Variants in MYO19 observed in about 807,000 individuals in gnomAD.
MYO19 encodes the protein myosin XIX.
A neutral mutation model predicts 129.2 loss-of-function variants in MYO19; 132 were observed. The ratio of observed to expected loss-of-function variants is 1.02; its 90% confidence interval spans 0.89 to 1.18. MYO19 has a LOEUF of 1.18. MYO19 is among the 50% of genes most tolerant of loss of function. MYO19 has a pLI of 0.00. For missense variants in MYO19, 1,210 were observed against 1,216.7 expected (o/e 0.99, Z 0.08); for synonymous variants, 531 against 477.2 (o/e 1.11, Z -1.47).
chr17:36,496,326 T>C lies in MYO19; in HGVS notation c.2838A>G (p.Thr946=), dbSNP rs1731032960. Residue 946 remains threonine, a synonymous_variant, in exon 26 of 26, where the codon ACA becomes ACG. Transcript: ENST00000614623. The part of the protein sequence containing the change: ...ICPEPSPYSI[T]GFNQILLERH... ...TTTCCAGCAGAATCTGATTAAAGCCTGTAATGCTGTAGGGTGAAGGTTCAG... is the reference window on the plus strand; with the variant it reads ...TTTCCAGCAGAATCTGATTAAAGCCCGTAATGCTGTAGGGTGAAGGTTCAG... 6.2e-7 allele frequency: 1 copy of C among 1,613,908 alleles called. No homozygotes were observed. Among genetic ancestry groups the C allele is most frequent in the Non-Finnish European group, 8.5e-7 (1 of 1,179,906 alleles).
chr17:36,529,126 A>G (rs191248042), intron 3 of MYO19, among the ~76,000 whole-genome samples: 54 of 151,660 alleles, frequency 3.6e-4, no homozygotes, highest in African/African-American at 1.3e-3. Context: ...CACCAAGGGA[A>G]CAGGTCCTTT....
chr17:36,500,840 G>A lies in MYO19; in HGVS notation c.2367C>T (p.Leu789=), dbSNP rs780029048. The change falls in exon 23 of 26, where the codon CTC becomes CTT. Residue 789 remains leucine, a synonymous_variant. Coordinates refer to ENST00000614623, the MANE Select transcript of MYO19 (RefSeq NM_001163735.2). The stretch of plus-strand genomic sequence containing the variant: ...GACCTGCCCACCTACCTGCCTGGAT[G>A]AGCATGACGGCCCGCCACTGCCGCT... ...EQERQWRAVM[L]IQAAIRSWLT... 4.8e-5 allele frequency: 77 copies of A among 1,599,152 alleles called. 1 individual carries two copies. Among genetic ancestry groups the A allele is most frequent in the African/African-American group, 6.7e-5 (5 of 74,808 alleles).
intron 6 of MYO19, among the ~76,000 whole-genome samples, chr17:36,522,013 G>C (rs2073156572): frequency 1.0e-5 from 1 of 100,270 alleles, no homozygotes. Context: ...CCTGGCAACA[G>C]AGCAAGACTG....
In MYO19 at chr17:36,498,450, T is replaced by A; in HGVS notation, c.2573A>T (p.Glu858Val). 6.2e-7 allele frequency: 1 copy of A among 1,614,002 alleles called. No homozygotes were observed. The highest frequency in any genetic ancestry group is 8.5e-7 in the Non-Finnish European group (1 of 1,179,880). Residue 858 changes from glutamate (E) to valine (V), a missense_variant, in exon 25 of 26, where the codon GAG (glutamate) becomes GTG (valine). Glu to Val is a moderately radical substitution (Grantham distance 121). Transcript: ENST00000614623. ...CAGGGGCCAGAGGCGGATTATTGCC[T>A]CCAGGAGCCTGGTCTGCAGCGGCGA... is the stretch of plus-strand genomic sequence containing the variant. ...STSPLQTRLLEAIIRLWPLGL... is the reference protein window; with the variant it reads ...STSPLQTRLLVAIIRLWPLGL...
At chr17:36,504,674 A>G (rs1445949231) in intron 19 of MYO19, 1 of 160,982 alleles carries the variant, frequency 6.2e-6, no homozygotes, top group Non-Finnish European at 1.4e-5. Context: ...GCACTTTGGG[A>G]GGCTGAGGTG....
intron 21 of MYO19, among the ~76,000 whole-genome samples, chr17:36,502,247 C>T (rs924046643): frequency 1.3e-5 from 2 of 152,122 alleles, no homozygotes; most frequent in South Asian, 4.1e-4. Context: ...ATGCCGACAA[C>T]CCCCATATGA....
Position 36,496,409 on chromosome 17 carries a change from A to AG in MYO19, c.2758-4dup, listed in dbSNP as rs1467913973. ...CTGCAGTGAAACTTTATCGATCCCT[A>AG]GAGGGGAGAGAGAGATGCAGCTTTA... On this transcript the variant is annotated splice_region_variant and splice_polypyrimidine_tract_variant and intron_variant, in intron 25 of 25. Coordinates refer to ENST00000614623, the MANE Select transcript of MYO19 (RefSeq NM_001163735.2). The AG allele has an allele frequency of 3.1e-6, 5 of 1,613,708 alleles. No individual in the cohort carries two copies. In the African/African-American group the frequency reaches 4.0e-5, roughly 13 times the overall value.
intron 2 of MYO19, 41 bp from the exon 3 acceptor site, chr17:36,532,722 G>C (rs1233404764): frequency 4.3e-6 from 3 of 691,724 alleles, no homozygotes; most frequent in Non-Finnish European, 7.4e-6. Context: ...ACACAGGTGA[G>C]GGCTTTTCTG....
Position 36,514,654 on chromosome 17 carries a change from A to G in MYO19, c.618-106T>C, listed in dbSNP as rs565418930. 2.7e-5 allele frequency: 20 copies of G among 738,974 alleles called. No homozygotes were observed. In the South Asian group the frequency reaches 3.1e-4, roughly 11 times the overall value. 45.8% of individuals were successfully genotyped at this position (738,974 alleles called of 1,614,324 possible). A position where few individuals can be genotyped will look rare whatever the true frequency, so the allele number is the denominator to read the frequency against. On this transcript the variant is annotated intron_variant, in intron 8 of 25. Transcript: ENST00000614623. ...CCTGCTACCTGGCAACTCCCCGCCA[A>G]GCTCTTCCACTTAGCCAATGGGCAC...
intron 2 of MYO19, among the ~76,000 whole-genome samples, chr17:36,541,844 G>C (rs1301594649): frequency 1.3e-5 from 2 of 152,120 alleles, no homozygotes; most frequent in Admixed American, 6.5e-5. Context: ...CAGTACTGGT[G>C]GTTATGGCTA....
At chr17:36,532,093 T>C (rs1054523654) in intron 3 of MYO19, among the ~76,000 whole-genome samples, 11 of 152,208 alleles carry the variant, frequency 7.2e-5, no homozygotes, top group African/African-American at 2.7e-4. Context: ...CATAGTCTCC[T>C]ACATTTCTGC....
At chr17:36,532,427 A>G (rs1267333975) in intron 3 of MYO19, 100 bp downstream of exon 3, 6 of 1,409,242 alleles carry the variant, frequency 4.3e-6, no homozygotes, top group African/African-American at 2.9e-5. Flanking sequence ...GAGGAGAGAA[A>G]AGAGACCTTT....
intron 6 of MYO19, among the ~76,000 whole-genome samples, chr17:36,521,968 T>C (rs750699229): frequency 2.6e-4 from 37 of 144,486 alleles, no homozygotes; most frequent in Non-Finnish European, 4.6e-4. Flanking sequence ...GAGGCGGAGG[T>C]TGCAGTGAGC....
Position 36,501,118 on chromosome 17 carries a change from G to A in MYO19, c.2198C>T (p.Pro733Leu). Residue 733 changes from proline to leucine, a missense_variant, in exon 22 of 26, where the codon CCA (proline) becomes CTA (leucine). Pro to Leu is a moderately conservative substitution (Grantham distance 98, BLOSUM62 -3). Coordinates refer to ENST00000614623, the MANE Select transcript of MYO19 (RefSeq NM_001163735.2). ...GGTCCTGCCACAGTGCATGGGGGCTGGCATGGCCTCAGCCGAGTCACCAGT... is the reference window on the plus strand; with the variant it reads ...GGTCCTGCCACAGTGCATGGGGGCTAGCATGGCCTCAGCCGAGTCACCAGT... ...AITGDSAEAM[P>L]APMHCGRTKV... 1 of 1,614,038 alleles carries A rather than the reference G, an allele frequency of 6.2e-7. No individual in the cohort carries two copies. Among genetic ancestry groups the A allele is most frequent in the Non-Finnish European group, 8.5e-7 (1 of 1,179,890 alleles).
upstream of MYO19, chr17:36,537,649 T>C (rs747305142): frequency 6.2e-7 from 1 of 1,614,210 alleles, no homozygotes; most frequent in Non-Finnish European, 8.5e-7. Flanking sequence ...ATGGTTTGTC[T>C]AGAGGTCAGG....
intron 21 of MYO19, 94 bp downstream of exon 21, chr17:36,503,003 A>G: frequency 9.7e-7 from 1 of 1,031,336 alleles, no homozygotes; most frequent in Non-Finnish European, 1.5e-6. Context: ...TTTATTCACC[A>G]GTAAGCCCCA....
At chr17:36,535,449 C>A (rs1369254760), upstream of MYO19, 1 of 152,262 alleles carries the variant, frequency 6.6e-6, no homozygotes, top group Non-Finnish European at 1.5e-5. Context: ...TCGGCCGGCC[C>A]GGAAGTGCCA....
At chr17:36,507,704 C>G (rs1386455671) in intron 15 of MYO19, 99 bp downstream of exon 15, 50 of 1,402,276 alleles carry the variant, frequency 3.6e-5, no homozygotes, top group Non-Finnish European at 4.7e-5. Context: ...TAAGAAGGAA[C>G]AAAAGGCTTC....
intron 6 of MYO19, 73 bp from the exon 7 acceptor site, chr17:36,516,063 T>C: frequency 6.7e-7 from 1 of 1,486,200 alleles, no homozygotes; most frequent in Non-Finnish European, 9.0e-7. Flanking sequence ...GAGAGAACAG[T>C]GCCCACCAGA....
Sources: allele counts gnomAD v4.1 joint callset (sites outside exome capture counted in the v4.1 genomes callset), GRCh38; gene constraint gnomAD v4.1.1; transcripts MANE v1.5; gene names NCBI Gene and HGNC (gene_info 2026-07-23, HGNC 2026-07-21).